TENM4: variants seen among roughly 807,000 people sequenced by gnomAD.
TENM4 encodes teneurin-4.
A neutral mutation model predicts 243.3 loss-of-function variants in TENM4; 82 were observed. That is an observed-to-expected ratio of 0.34 (90% CI 0.28 to 0.40). TENM4 has a LOEUF of 0.40. TENM4 is among the 10% of genes least tolerant of loss of function. The probability of loss-of-function intolerance (pLI) is 1.00; values close to 1 mark genes in which losing one functional copy is unlikely to be tolerated. For synonymous variants in TENM4, 1,412 were observed against 1,456.3 expected (o/e 0.97, Z 0.69); for missense variants, 3,138 against 3,673.3 (o/e 0.85, Z 3.77).
rs569671367 is a variant in TENM4, at chr11:79,184,688, A to G, written c.-163+31120T>C. On this transcript the variant is annotated intron_variant, in intron 3 of 33. Coordinates refer to ENST00000278550, the MANE Select transcript of TENM4 (RefSeq NM_001098816.3). ...AGCCGTCAAATTCCCAGAGACAGAG[A>G]GTAGAATGGGAGTTGCCAGGGCCTG... 3.7e-3 allele frequency among the ~76,000 whole-genome samples: 566 copies of G among 152,224 alleles called. 3 individuals are homozygous for G. The highest frequency in any genetic ancestry group is 5.2e-3 in the Admixed American group (79 of 15,296).
chr11:79,320,508 G>T (rs528902969), intron 1 of TENM4, among the ~76,000 whole-genome samples: 119 of 152,240 alleles, frequency 7.8e-4, no homozygotes, highest in African/African-American at 2.8e-3. Context: ...AGCTCCTCAG[G>T]GTAACTATTG....
intron 15 of TENM4, among the ~76,000 whole-genome samples, chr11:78,797,608 T>C (rs967697690): frequency 1.3e-5 from 2 of 152,248 alleles, no homozygotes; most frequent in Non-Finnish European, 2.9e-5. Context: ...AGCATGCTTG[T>C]CTGGGCCCAA....
At chr11:78,687,291 G>A (rs1020525214) in intron 29 of TENM4, among the ~76,000 whole-genome samples, 6 of 152,086 alleles carry the variant, frequency 3.9e-5, no homozygotes, top group African/African-American at 1.4e-4. Context: ...TGGGTGATGT[G>A]GTGGCAGAGT....
intron 18 of TENM4, 141 bp from the exon 19 acceptor site, chr11:78,757,162 T>G: frequency 1.2e-6 from 1 of 856,922 alleles, no homozygotes; most frequent in East Asian, 2.7e-5. Context: ...AAGTCTTTGC[T>G]GGGCACCAAA....
At chr11:79,059,352 A>G (rs956955771) in intron 6 of TENM4, among the ~76,000 whole-genome samples, 1 of 152,164 alleles carries the variant, frequency 6.6e-6, no homozygotes, top group East Asian at 1.9e-4. Flanking sequence ...GTGAAATCCT[A>G]CTAGGCTTTC....
At chr11:78,806,301 A>AAAAC (rs373869667) in intron 14 of TENM4, among the ~76,000 whole-genome samples, 1,676 of 152,244 alleles carry the variant, frequency 0.011, 28 homozygotes, top group African/African-American at 0.038. Flanking sequence ...CTGTCTCTAA[A>AAAAC]AAACAAACAA....
intron 4 of TENM4, among the ~76,000 whole-genome samples, chr11:79,102,319 G>A (rs1034203407): frequency 6.6e-6 from 1 of 152,154 alleles, no homozygotes; most frequent in Non-Finnish European, 1.5e-5. Context: ...TGAGAAGGTC[G>A]CACAGTGCTC....
At chr11:79,305,046 A>T (rs556551337) in intron 1 of TENM4, among the ~76,000 whole-genome samples, 2 of 152,322 alleles carry the variant, frequency 1.3e-5, no homozygotes, top group Admixed American at 6.5e-5. Flanking sequence ...AAACTTCTCC[A>T]CTCAGCAACT....
chr11:79,268,223 G>C (rs1456532156), intron 2 of TENM4, among the ~76,000 whole-genome samples: 1 of 152,106 alleles, frequency 6.6e-6, no homozygotes, highest in Non-Finnish European at 1.5e-5. Context: ...AATAATTTAA[G>C]CTTTGTGGGC....
intron 18 of TENM4, among the ~76,000 whole-genome samples, chr11:78,766,576 A>G (rs1282126127): frequency 1.3e-5 from 2 of 152,164 alleles, no homozygotes; most frequent in Non-Finnish European, 2.9e-5. Flanking sequence ...GAGCATCAGG[A>G]GACTGGCAGT....
intron 6 of TENM4, among the ~76,000 whole-genome samples, chr11:79,038,359 C>T (rs1351052368): frequency 6.6e-6 from 1 of 152,160 alleles, no homozygotes; most frequent in Non-Finnish European, 1.5e-5. Context: ...ACCTGCTGTC[C>T]CTGCAAACTC....
intron 4 of TENM4, among the ~76,000 whole-genome samples, chr11:79,073,762 G>A (rs1860473010): frequency 6.6e-6 from 1 of 152,170 alleles, no homozygotes; most frequent in Non-Finnish European, 1.5e-5. Flanking sequence ...AGGATTAAAT[G>A]AGTTAAGATG....
At chr11:79,135,671 T>A (rs539164355) in intron 4 of TENM4, among the ~76,000 whole-genome samples, 2 of 138,634 alleles carry the variant, frequency 1.4e-5, no homozygotes, top group South Asian at 2.1e-4. Context: ...CACACATATA[T>A]GATATATCAT....
intron 3 of TENM4, among the ~76,000 whole-genome samples, chr11:79,189,535 T>C (rs12287423): frequency 0.012 from 1,790 of 152,364 alleles, 36 homozygotes; most frequent in African/African-American, 0.041. Context: ...CAAACATACC[T>C]TTTTTAAACA....
chr11:78,946,900 C>T (rs1056486175), intron 6 of TENM4, among the ~76,000 whole-genome samples: 1 of 152,152 alleles, frequency 6.6e-6, no homozygotes, highest in African/African-American at 2.4e-5. Flanking sequence ...TGAGGAGTTG[C>T]TTCTTATGGA....
intron 18 of TENM4, among the ~76,000 whole-genome samples, chr11:78,761,475 G>A (rs1004539736): frequency 5.3e-5 from 8 of 152,022 alleles, no homozygotes; most frequent in Admixed American, 1.3e-4. Context: ...TCCTGACCTC[G>A]TGATCCACCT....
intron 9 of TENM4, among the ~76,000 whole-genome samples, chr11:78,869,066 A>C (rs1859057550): frequency 2.0e-5 from 3 of 152,186 alleles, no homozygotes; most frequent in African/African-American, 7.2e-5. Flanking sequence ...TTTTGCTACA[A>C]AGCCACCACA....
At chr11:78,730,117 G>T (rs944534888) in intron 21 of TENM4, among the ~76,000 whole-genome samples, 17 of 152,186 alleles carry the variant, frequency 1.1e-4, no homozygotes, top group African/African-American at 3.9e-4. Context: ...CTGAATCTCA[G>T]TCTCCTCACT....
At chr11:78,756,084 T>G (rs531838589) in intron 19 of TENM4, among the ~76,000 whole-genome samples, 17 of 152,268 alleles carry the variant, frequency 1.1e-4, no homozygotes, top group African/African-American at 4.1e-4. Context: ...TGGCACACTC[T>G]CTCCCTTCCT....
Sources: allele counts gnomAD v4.1 joint callset (sites outside exome capture counted in the v4.1 genomes callset), GRCh38; gene constraint gnomAD v4.1.1; transcripts MANE v1.5; gene names NCBI Gene and HGNC (gene_info 2026-07-23, HGNC 2026-07-21).